Variants in SH3RF3 observed in about 807,000 individuals in gnomAD.
The protein encoded by SH3RF3 is SH3 domain containing ring finger 3.
In SH3RF3, 29 loss-of-function variants were observed where a neutral mutation model predicts 66.3. The observed-to-expected ratio is 0.44, with a 90% CI of 0.33 to 0.60. The LOEUF (loss-of-function observed/expected upper bound fraction) is 0.60. Ranked by LOEUF, SH3RF3 falls within the 20% of genes least tolerant of loss-of-function variation. The probability of loss-of-function intolerance (pLI) is 0.04; values close to 1 mark genes in which losing one functional copy is unlikely to be tolerated. For synonymous variants in SH3RF3, 583 were observed against 532.0 expected, an observed-to-expected ratio of 1.10 and a Z score of -1.32; for missense variants, 1,194 against 1,190.9, an observed-to-expected ratio of 1.00 and a Z score of -0.04.
chr2:109,142,630 G>A (rs911208920), intron 1 of SH3RF3, among the ~76,000 whole-genome samples: 56 of 152,262 alleles, frequency 3.7e-4, no homozygotes, highest in African/African-American at 1.3e-3. Flanking sequence ...GGGGCAGAAC[G>A]CCTCTGCTTG....
intron 4 of SH3RF3, among the ~76,000 whole-genome samples, chr2:109,410,353 T>A (rs1364511854): frequency 6.6e-6 from 1 of 152,232 alleles, no homozygotes; most frequent in Non-Finnish European, 1.5e-5. Context: ...GCAATGGAGC[T>A]TGCCTGGATC....
chr2:109,471,598 C>T (rs975840073), intron 8 of SH3RF3, among the ~76,000 whole-genome samples: 1 of 152,182 alleles, frequency 6.6e-6, no homozygotes, highest in Non-Finnish European at 1.5e-5. Flanking sequence ...ATTGGAACAG[C>T]TCATGTAGGC....
At chr2:109,497,626 C>T (rs1380136444) in intron 9 of SH3RF3, among the ~76,000 whole-genome samples, 1 of 152,158 alleles carries the variant, frequency 6.6e-6, no homozygotes, top group Non-Finnish European at 1.5e-5. Context: ...CAACGGCGCT[C>T]TGTGTCTATA....
At chr2:109,244,986 T>A (rs545940464) in intron 1 of SH3RF3, among the ~76,000 whole-genome samples, 60 of 152,334 alleles carry the variant, frequency 3.9e-4, no homozygotes, top group African/African-American at 1.3e-3. Context: ...TGGAGAACTG[T>A]GAGTACAGTT....
chr2:109,409,878 C>G (rs923527454), intron 4 of SH3RF3, among the ~76,000 whole-genome samples: 6 of 152,120 alleles, frequency 3.9e-5, no homozygotes, highest in African/African-American at 1.4e-4. Flanking sequence ...ATGAATAATG[C>G]ATGCCCATTT....
intron 4 of SH3RF3, among the ~76,000 whole-genome samples, chr2:109,401,067 C>T (rs1442227842): frequency 6.6e-6 from 1 of 152,150 alleles, no homozygotes; most frequent in Non-Finnish European, 1.5e-5. Context: ...GGGGGTAAAG[C>T]CACAAGCAGT....
intron 5 of SH3RF3, among the ~76,000 whole-genome samples, chr2:109,426,269 C>A (rs937029060): frequency 6.6e-6 from 1 of 152,094 alleles, no homozygotes; most frequent in African/African-American, 2.4e-5. Context: ...TGGATCTGGG[C>A]AAAGTAAATT....
intron 1 of SH3RF3, among the ~76,000 whole-genome samples, chr2:109,294,134 A>C (rs1162234936): frequency 6.6e-6 from 1 of 152,164 alleles, no homozygotes; most frequent in Non-Finnish European, 1.5e-5. Flanking sequence ...CCCTCCATGT[A>C]ATCAGTTTAC....
chr2:109,293,440 C>T (rs1681233474), intron 1 of SH3RF3, among the ~76,000 whole-genome samples: 1 of 152,208 alleles, frequency 6.6e-6, no homozygotes, highest in South Asian at 2.1e-4. Context: ...TCCCAGGCTA[C>T]CCCAGTGGTG....
chr2:109,146,495 C>T (rs1490791747), intron 1 of SH3RF3, among the ~76,000 whole-genome samples: 2 of 152,118 alleles, frequency 1.3e-5, no homozygotes, highest in African/African-American at 4.8e-5. Flanking sequence ...TGTGAATGTT[C>T]AATGGCAGGA....
At chr2:109,384,434 C>T (rs963940229) in intron 3 of SH3RF3, among the ~76,000 whole-genome samples, 1 of 151,934 alleles carries the variant, frequency 6.6e-6, no homozygotes, top group East Asian at 1.9e-4. Flanking sequence ...GGGAGCAGGT[C>T]CAGGGGTGGC....
In SH3RF3 at chr2:109,337,769, C is replaced by T. The variant is rs977510066; in HGVS notation, c.574-9905C>T. On this transcript the variant is annotated intron_variant, in intron 1 of 9. Coordinates refer to ENST00000309415, the MANE Select transcript of SH3RF3 (RefSeq NM_001099289.3). Reference sequence around the variant, plus strand: ...TTGAGACAGGGTTTCACTCTGTCACCCAAACTGGACTGCAGTGGCATAATC... The same window carrying T: ...TTGAGACAGGGTTTCACTCTGTCACTCAAACTGGACTGCAGTGGCATAATC... 3.3e-5 allele frequency among the ~76,000 whole-genome samples: 5 copies of T among 151,894 alleles called. No individual in the cohort carries two copies. The South Asian group carries it at 6.3e-4, about 19-fold the overall frequency.
At chr2:109,141,909 G>C (rs902775211) in intron 1 of SH3RF3, among the ~76,000 whole-genome samples, 1 of 152,008 alleles carries the variant, frequency 6.6e-6, no homozygotes, top group Non-Finnish European at 1.5e-5. Context: ...CCTACCTCCT[G>C]CAAGCTCTGC....
intron 2 of SH3RF3, among the ~76,000 whole-genome samples, chr2:109,359,523 T>G (rs1056461194): frequency 7.2e-5 from 11 of 152,254 alleles, no homozygotes; most frequent in African/African-American, 2.4e-4. Flanking sequence ...CATTTGTACC[T>G]AAGTATTTCA....
chr2:109,338,587 T>G (rs1293718675), intron 1 of SH3RF3, among the ~76,000 whole-genome samples: 1 of 152,146 alleles, frequency 6.6e-6, no homozygotes. Context: ...AGACAGAACC[T>G]CACTCTGTTG....
intron 1 of SH3RF3, among the ~76,000 whole-genome samples, chr2:109,190,969 A>C (rs1475543030): frequency 6.6e-6 from 1 of 151,384 alleles, no homozygotes; most frequent in Non-Finnish European, 1.5e-5. Flanking sequence ...AATTCATTTT[A>C]ATAGTTGCGT....
chr2:109,160,023 G>A (rs1254039411), intron 1 of SH3RF3, among the ~76,000 whole-genome samples: 1 of 152,062 alleles, frequency 6.6e-6, no homozygotes, highest in East Asian at 1.9e-4. Context: ...CCATCTCCCC[G>A]CCAGGTCCAT....
intron 1 of SH3RF3, among the ~76,000 whole-genome samples, chr2:109,230,256 G>A (rs1679473382): frequency 6.6e-6 from 1 of 152,006 alleles, no homozygotes; most frequent in Non-Finnish European, 1.5e-5. Flanking sequence ...TTATGATGGT[G>A]CAAAAGCCAT....
intron 1 of SH3RF3, among the ~76,000 whole-genome samples, chr2:109,185,834 C>T (rs1027436482): frequency 5.3e-5 from 8 of 152,330 alleles, no homozygotes; most frequent in Middle Eastern, 3.4e-3. Context: ...AGAAATGAGG[C>T]GACAGTGTCT....
Sources: allele counts gnomAD v4.1 joint callset (sites outside exome capture counted in the v4.1 genomes callset), GRCh38; gene constraint gnomAD v4.1.1; transcripts MANE v1.5; gene names NCBI Gene and HGNC (gene_info 2026-07-23, HGNC 2026-07-21).